The following SWAP70 variants were observed in gnomAD, a reference collection of about 807,000 sequenced individuals.
SWAP70 encodes switching B cell complex subunit SWAP70.
In SWAP70, 34 loss-of-function variants were observed where a neutral mutation model predicts 80.2. The ratio of observed to expected loss-of-function variants is 0.42; its 90% confidence interval spans 0.32 to 0.56. The LOEUF (loss-of-function observed/expected upper bound fraction) is 0.56. Ranked by LOEUF, SWAP70 falls within the 20% of genes least tolerant of loss-of-function variation. The pLI is 0.09. For synonymous variants in SWAP70, 239 were observed against 238.5 expected (o/e 1.00, Z -0.02); for missense variants, 578 against 690.7 (o/e 0.84, Z 1.83).
chr11:9,731,717 A>G (rs1278125721), intron 6 of SWAP70, among the ~76,000 whole-genome samples: 1 of 152,204 alleles, frequency 6.6e-6, no homozygotes, highest in African/African-American at 2.4e-5. Context: ...GTGTGAAAAG[A>G]AGGTGGAAGA....
At chr11:9,727,820 G>A (rs1236054826) in intron 4 of SWAP70, among the ~76,000 whole-genome samples, 1 of 152,076 alleles carries the variant, frequency 6.6e-6, no homozygotes, top group African/African-American at 2.4e-5. Flanking sequence ...ATATCACTTT[G>A]GGGAGGGGTT....
chr11:9,724,792 A>C lies in SWAP70; in HGVS notation c.549A>C (p.Gly183=), dbSNP rs1419827250. 1 of 1,614,154 alleles carries C rather than the reference A, an allele frequency of 6.2e-7. No homozygotes were observed. The highest frequency in any genetic ancestry group is 1.3e-5 in the African/African-American group (1 of 75,042). The change falls in exon 4 of 12, where the codon GGA becomes GGC. Residue 183 remains glycine (G), a synonymous_variant. Transcript: ENST00000318950. ...LSAWELIELI[G]NGQFSKGMDR... Reference sequence around the variant, plus strand: ...CATGGGAACTTATTGAGCTTATTGGAAATGGACAGTTTAGCAAAGGCATGG... The same window carrying C: ...CATGGGAACTTATTGAGCTTATTGGCAATGGACAGTTTAGCAAAGGCATGG...
chr11:9,664,123 G>C lies in SWAP70; in HGVS notation c.-57G>C. ...TGGCTGCGGAGGTTGAGGGGCGTCCGAGGCGCGGAGGGGCTGGCTGGGCAG... is the reference window on the plus strand; with the variant it reads ...TGGCTGCGGAGGTTGAGGGGCGTCCCAGGCGCGGAGGGGCTGGCTGGGCAG... On this transcript the variant is annotated 5_prime_UTR_variant, in exon 1 of 12. Coordinates refer to ENST00000318950, the MANE Select transcript of SWAP70 (RefSeq NM_015055.4). 5 of 1,500,506 alleles carry C rather than the reference G, an allele frequency of 3.3e-6. No individual in the cohort carries two copies. Among genetic ancestry groups the C allele is most frequent in the Non-Finnish European group, 4.5e-6 (5 of 1,119,112 alleles). The allele number at this position is 1,500,506 out of a possible 1,614,324, so 92.9% of individuals were successfully genotyped here.
chr11:9,672,195 C>CTATGTATATGTATATA (rs530619499), intron 1 of SWAP70, among the ~76,000 whole-genome samples: 14 of 78,438 alleles, frequency 1.8e-4, no homozygotes, highest in African/African-American at 5.9e-4. Context: ...ATGTGTGTGT[C>CTATGTATATGTATATA]TATATATATA....
rs865784373 is a variant in SWAP70 at position 9,675,356 on chromosome 11, A to C, written c.99+11078A>C. Among the ~76,000 whole-genome samples the C allele has an allele frequency of 2.2e-3, 21 of 9,686 alleles. 3 individuals carry two copies. The highest frequency in any genetic ancestry group is 0.056 in the Middle Eastern group (2 of 36). 6.4% of individuals were successfully genotyped at this position (9,686 alleles called of 152,430 possible). A position where few individuals can be genotyped will look rare whatever the true frequency, so the allele number is the denominator to read the frequency against. ...GAGAGAGAGAGGGAGCGAGAGAGAG[A>C]GAGAGAGAGAGAGAGAGAGAGAGAG... On this transcript the variant is annotated intron_variant, in intron 1 of 11. Transcript: ENST00000318950.
At chr11:9,724,514 T>C in intron 3 of SWAP70, 144 bp from the exon 4 acceptor site, 1 of 618,672 alleles carries the variant, frequency 1.6e-6, no homozygotes, top group East Asian at 2.8e-5. Flanking sequence ...TCTCCCTGTA[T>C]TTTAGGAGAC....
chr11:9,688,435 A>G (rs1267586911), intron 1 of SWAP70, among the ~76,000 whole-genome samples: 1 of 152,144 alleles, frequency 6.6e-6, no homozygotes, highest in Non-Finnish European at 1.5e-5. Context: ...AGGTAGGGGT[A>G]AATTGAGCAA....
At chr11:9,730,000 A>G (rs1350801585) in intron 6 of SWAP70, among the ~76,000 whole-genome samples, 3 of 152,210 alleles carry the variant, frequency 2.0e-5, no homozygotes, top group Non-Finnish European at 2.9e-5. Flanking sequence ...TGGGGTTGCA[A>G]GTATAGTTCT....
chr11:9,724,944 A>G, intron 4 of SWAP70, 59 bp downstream of exon 4: 1 of 1,219,060 alleles, frequency 8.2e-7, no homozygotes, highest in East Asian at 2.4e-5. Context: ...TTTAAAATTA[A>G]TATTTTTGTC....
intron 2 of SWAP70, among the ~76,000 whole-genome samples, chr11:9,710,756 T>A (rs1850986582): frequency 6.6e-6 from 1 of 151,688 alleles, no homozygotes; most frequent in African/African-American, 2.4e-5. Flanking sequence ...CATGGCTCAC[T>A]GCAGCCTTGA....
At chr11:9,746,876 T>C (rs1160131076) in intron 9 of SWAP70, among the ~76,000 whole-genome samples, 1 of 152,160 alleles carries the variant, frequency 6.6e-6, no homozygotes, top group Non-Finnish European at 1.5e-5. Context: ...TTGCAGGAAG[T>C]TGTAGAGGGA....
chr11:9,665,409 A>G (rs1850296306), intron 1 of SWAP70, among the ~76,000 whole-genome samples: 1 of 152,176 alleles, frequency 6.6e-6, no homozygotes, highest in Non-Finnish European at 1.5e-5. Context: ...ATTTTTAAAT[A>G]TTAACATACA....
chr11:9,742,422 C>T (rs2649044), intron 9 of SWAP70, among the ~76,000 whole-genome samples: 83,706 of 151,472 alleles, frequency 0.55, 23,454 homozygotes, highest in Middle Eastern at 0.75. Context: ...CTGCAATCTC[C>T]GCCTCCTGGG....
chr11:9,685,578 G>C (rs1371440917), intron 1 of SWAP70, among the ~76,000 whole-genome samples: 6 of 150,258 alleles, frequency 4.0e-5, no homozygotes, highest in African/African-American at 1.5e-4. Context: ...TAAGGTCATT[G>C]ATCCCATTTG....
At chr11:9,714,913 A>C (rs2133797708) in intron 3 of SWAP70, among the ~76,000 whole-genome samples, 1 of 149,558 alleles carries the variant, frequency 6.7e-6, no homozygotes, top group East Asian at 2.0e-4. Flanking sequence ...CCCAGGTTCA[A>C]ATGATTCTGC....
Position 9,708,278 on chromosome 11 carries a change from A to G in SWAP70, c.241-5188A>G, listed in dbSNP as rs75652778. Among the ~76,000 whole-genome samples, 6 of 152,216 alleles carry G rather than the reference A, an allele frequency of 3.9e-5. No individual in the cohort carries two copies. In the East Asian group the frequency reaches 1.2e-3, roughly 29 times the overall value. On this transcript the variant is annotated intron_variant, in intron 2 of 11. Coordinates refer to ENST00000318950, the MANE Select transcript of SWAP70 (RefSeq NM_015055.4). The stretch of plus-strand genomic sequence containing the variant: ...CCACCAACAGTGTGCAAGGGTTCGA[A>G]TTTCTCCACATCCTAACAATAACAC...
intron 3 of SWAP70, among the ~76,000 whole-genome samples, chr11:9,714,823 T>C (rs1851044432): frequency 8.0e-6 from 1 of 125,672 alleles, no homozygotes; most frequent in South Asian, 2.5e-4. Context: ...TTTTTTTTTT[T>C]TTTTTTGAGA....
chr11:9,671,511 A>AAT (rs752684065), intron 1 of SWAP70, among the ~76,000 whole-genome samples: 1 of 83,032 alleles, frequency 1.2e-5, no homozygotes, highest in African/African-American at 4.8e-5. Flanking sequence ...AATATATATA[A>AAT]ATATATATAT....
chr11:9,733,030 C>G (rs76272267), intron 7 of SWAP70, among the ~76,000 whole-genome samples: 2,122 of 152,236 alleles, frequency 0.014, 57 homozygotes, highest in African/African-American at 0.049. Flanking sequence ...GCTGTTCTTA[C>G]TGGCCTGGAC....
Sources: allele counts gnomAD v4.1 joint callset (sites outside exome capture counted in the v4.1 genomes callset), GRCh38; gene constraint gnomAD v4.1.1; transcripts MANE v1.5; gene names NCBI Gene and HGNC (gene_info 2026-07-23, HGNC 2026-07-21).